The following EDIL3 variants were observed in gnomAD, a reference collection of about 807,000 sequenced individuals.
EDIL3 encodes the protein EGF like and discoidin domains 3.
A neutral mutation model predicts 67.4 loss-of-function variants in EDIL3; 37 were observed. The observed-to-expected ratio is 0.55, with a 90% confidence interval of 0.42 to 0.72. The LOEUF is 0.72. Ranked by LOEUF, EDIL3 falls within the 30% of genes least tolerant of loss-of-function variation. EDIL3 has a pLI of 0.00. For synonymous variants in EDIL3, 195 were observed against 196.3 expected, an observed-to-expected ratio of 0.99 and a Z score of 0.05; for missense variants, 527 against 586.3, an observed-to-expected ratio of 0.90 and a Z score of 1.04.
At chr5:84,157,487 A>G (rs996211930) in intron 4 of EDIL3, among the ~76,000 whole-genome samples, 6 of 152,114 alleles carry the variant, frequency 3.9e-5, no homozygotes, top group African/African-American at 1.4e-4. Flanking sequence ...TTTCAATTAA[A>G]AATATGTATG....
At chr5:84,269,564 C>A (rs563873303) in intron 1 of EDIL3, among the ~76,000 whole-genome samples, 8 of 152,212 alleles carry the variant, frequency 5.3e-5, no homozygotes, top group Non-Finnish European at 8.8e-5. Flanking sequence ...GCAATATGTT[C>A]ATATGATTTC....
intron 4 of EDIL3, among the ~76,000 whole-genome samples, chr5:84,145,230 G>T (rs1336800069): frequency 6.6e-6 from 1 of 152,110 alleles, no homozygotes; most frequent in Non-Finnish European, 1.5e-5. Flanking sequence ...ATGGAAGATT[G>T]CTTGCAGGAG....
intron 1 of EDIL3, among the ~76,000 whole-genome samples, chr5:84,336,647 C>T (rs1014237383): frequency 5.3e-5 from 8 of 152,004 alleles, no homozygotes; most frequent in Non-Finnish European, 1.2e-4. Context: ...AGAAGGTAAT[C>T]CATAATGAAT....
At chr5:83,982,019 C>T (rs578013618) in intron 9 of EDIL3, among the ~76,000 whole-genome samples, 18 of 151,924 alleles carry the variant, frequency 1.2e-4, no homozygotes, top group Admixed American at 3.9e-4. Context: ...GGCAGATAGA[C>T]CTGCTCCGGT....
chr5:84,282,033 AT>A (rs36059820), intron 1 of EDIL3, among the ~76,000 whole-genome samples: 59 of 141,962 alleles, frequency 4.2e-4, no homozygotes, highest in Middle Eastern at 3.6e-3. Flanking sequence ...CACCCAGCTA[AT>A]TTTTTTTTTT....
At chr5:84,098,934 G>A (rs1267414146) in intron 6 of EDIL3, among the ~76,000 whole-genome samples, 1 of 152,062 alleles carries the variant, frequency 6.6e-6, no homozygotes, top group Non-Finnish European at 1.5e-5. Context: ...TCTGAGACAT[G>A]AAAAGCCATT....
chr5:83,965,476 G>A (rs1168167483), intron 9 of EDIL3, among the ~76,000 whole-genome samples: 3 of 152,024 alleles, frequency 2.0e-5, no homozygotes, highest in African/African-American at 7.2e-5. Context: ...AAGTCTTAAA[G>A]AACAGAGTTG....
At chr5:84,283,292 A>G (rs565292225) in intron 1 of EDIL3, among the ~76,000 whole-genome samples, 1 of 152,320 alleles carries the variant, frequency 6.6e-6, no homozygotes, top group East Asian at 1.9e-4. Flanking sequence ...AATAATTATA[A>G]GATCAGTTAA....
At chr5:84,380,473 T>C (rs1748053046) in intron 1 of EDIL3, among the ~76,000 whole-genome samples, 1 of 152,138 alleles carries the variant, frequency 6.6e-6, no homozygotes. Flanking sequence ...AATGTTATGA[T>C]TTACTTCTGA....
chr5:84,150,760 C>T (rs1488495729), intron 4 of EDIL3, among the ~76,000 whole-genome samples: 1 of 152,114 alleles, frequency 6.6e-6, no homozygotes, highest in East Asian at 1.9e-4. Context: ...ATGATTCAGC[C>T]ATTCTACTCC....
chr5:84,234,543 T>G (rs1744643145), intron 2 of EDIL3, among the ~76,000 whole-genome samples: 1 of 152,180 alleles, frequency 6.6e-6, no homozygotes, highest in African/African-American at 2.4e-5. Context: ...TCAACAATTC[T>G]TACATATTCT....
At chr5:83,990,654 G>T (rs911544037) in intron 9 of EDIL3, among the ~76,000 whole-genome samples, 4 of 152,106 alleles carry the variant, frequency 2.6e-5, no homozygotes, top group Non-Finnish European at 4.4e-5. Context: ...GCTGAGGTGG[G>T]TGGATTAATT....
intron 1 of EDIL3, among the ~76,000 whole-genome samples, chr5:84,296,306 T>C (rs550296308): frequency 3.9e-5 from 6 of 152,330 alleles, no homozygotes; most frequent in African/African-American, 1.4e-4. Flanking sequence ...ATTACTGTTG[T>C]ATCAACATTC....
At chr5:84,322,548 A>T (rs895431022) in intron 1 of EDIL3, among the ~76,000 whole-genome samples, 1 of 152,136 alleles carries the variant, frequency 6.6e-6, no homozygotes, top group Non-Finnish European at 1.5e-5. Context: ...AAAAAATTTA[A>T]GAAAGGTGAA....
intron 1 of EDIL3, among the ~76,000 whole-genome samples, chr5:84,288,890 T>G (rs868160939): frequency 4.9e-4 from 75 of 152,066 alleles, no homozygotes; most frequent in African/African-American, 1.6e-3. Context: ...TTTACTCCTA[T>G]ACCCATCACT....
chr5:84,101,766 A>G (rs1747369241), intron 6 of EDIL3, among the ~76,000 whole-genome samples: 1 of 152,024 alleles, frequency 6.6e-6, no homozygotes, highest in Non-Finnish European at 1.5e-5. Flanking sequence ...TAGCATTTCT[A>G]CTAACACTAC....
chr5:84,121,567 A>G (rs1382248108), intron 5 of EDIL3, among the ~76,000 whole-genome samples: 2 of 150,924 alleles, frequency 1.3e-5, no homozygotes, highest in African/African-American at 4.9e-5. Context: ...CTATCTATCT[A>G]TCTATCTATC....
intron 6 of EDIL3, among the ~76,000 whole-genome samples, chr5:84,070,057 G>A (rs1202749471): frequency 6.6e-6 from 1 of 152,020 alleles, no homozygotes; most frequent in Non-Finnish European, 1.5e-5. Context: ...AGTTGGAGGA[G>A]AGTCCTGCCG....
intron 4 of EDIL3, among the ~76,000 whole-genome samples, chr5:84,158,455 G>A (rs1748533626): frequency 6.6e-6 from 1 of 151,952 alleles, no homozygotes; most frequent in African/African-American, 2.4e-5. Flanking sequence ...GACATGCCCT[G>A]AATTATCCTA....
Sources: gnomAD v4.1 joint callset for allele counts (sites outside exome capture counted in the v4.1 genomes callset) on GRCh38, gnomAD v4.1.1 for gene constraint, MANE v1.5 for transcripts, NCBI Gene and HGNC (gene_info 2026-07-23, HGNC 2026-07-21) for gene names.